ZNF521: variants seen among roughly 807,000 people sequenced by gnomAD.
The protein encoded by ZNF521 is zinc finger protein 521.
In ZNF521, 14 loss-of-function variants were observed where a neutral mutation model predicts 105.5. The observed-to-expected ratio is 0.13, with a 90% confidence interval of 0.09 to 0.21. ZNF521 has a LOEUF of 0.21. ZNF521 is among the 10% of genes least tolerant of loss of function. The pLI is 1.00. For synonymous variants in ZNF521, 635 were observed against 606.0 expected, an observed-to-expected ratio of 1.05 and a Z score of -0.70; for missense variants, 1,233 against 1,629.7, an observed-to-expected ratio of 0.76 and a Z score of 4.19.
chr18:25,341,593 G>A (rs1216076033), intron 2 of ZNF521, among the ~76,000 whole-genome samples: 1 of 152,156 alleles, frequency 6.6e-6, no homozygotes, highest in Non-Finnish European at 1.5e-5. Flanking sequence ...AGTTCAAGTG[G>A]ACATATTTCC....
At chr18:25,290,228 T>A (rs1910937414) in intron 3 of ZNF521, among the ~76,000 whole-genome samples, 1 of 152,194 alleles carries the variant, frequency 6.6e-6, no homozygotes, top group African/African-American at 2.4e-5. Context: ...AGTAATAGTA[T>A]CAAGATGAAC....
chr18:25,115,218 T>C (rs1183584420), intron 5 of ZNF521, among the ~76,000 whole-genome samples: 2 of 152,190 alleles, frequency 1.3e-5, no homozygotes, highest in Admixed American at 6.5e-5. Context: ...TGGACATAAT[T>C]TGGGGATCTG....
chr18:25,295,503 T>A (rs2145047466), intron 3 of ZNF521, among the ~76,000 whole-genome samples: 2 of 152,260 alleles, frequency 1.3e-5, no homozygotes, highest in Middle Eastern at 6.8e-3. Flanking sequence ...GATAAATGCT[T>A]AAGGTGACAG....
chr18:25,164,987 T>C (rs1333937237), intron 5 of ZNF521, among the ~76,000 whole-genome samples: 1 of 152,218 alleles, frequency 6.6e-6, no homozygotes, highest in Non-Finnish European at 1.5e-5. Flanking sequence ...TTCCGAAAGA[T>C]ATGACTTTCG....
intron 2 of ZNF521, among the ~76,000 whole-genome samples, chr18:25,329,903 G>A (rs182162162): frequency 5.6e-5 from 6 of 106,246 alleles, no homozygotes; most frequent in Non-Finnish European, 1.1e-4. Context: ...CTAAGTCAAC[G>A]GCAGAAAGGA....
intron 5 of ZNF521, among the ~76,000 whole-genome samples, chr18:25,130,785 A>G (rs2034626857): frequency 6.6e-6 from 1 of 152,086 alleles, no homozygotes; most frequent in Non-Finnish European, 1.5e-5. Context: ...TCTACAAAAA[A>G]TTCAATAATT....
chr18:25,134,504 A>G (rs2034697583), intron 5 of ZNF521, among the ~76,000 whole-genome samples: 1 of 152,102 alleles, frequency 6.6e-6, no homozygotes, highest in Admixed American at 6.5e-5. Context: ...CAATATTCCC[A>G]TCTGCTTACT....
At chr18:25,306,552 A>C (rs1467329509) in intron 3 of ZNF521, among the ~76,000 whole-genome samples, 1 of 152,182 alleles carries the variant, frequency 6.6e-6, no homozygotes, top group Non-Finnish European at 1.5e-5. Context: ...GATTTCAATA[A>C]GGCATTAAAC....
intron 4 of ZNF521, among the ~76,000 whole-genome samples, chr18:25,218,257 G>A (rs531098584): frequency 6.6e-6 from 1 of 152,154 alleles, no homozygotes; most frequent in Admixed American, 6.5e-5. Context: ...TGAAAATGAT[G>A]AGACTCAAGT....
intron 5 of ZNF521, among the ~76,000 whole-genome samples, chr18:25,180,660 A>AATT (rs1191046635): frequency 6.6e-6 from 1 of 152,168 alleles, no homozygotes; most frequent in African/African-American, 2.4e-5. Flanking sequence ...AGTTACTCAA[A>AATT]ATTCATAAAG....
intron 7 of ZNF521, among the ~76,000 whole-genome samples, chr18:25,085,644 C>CAT (rs35430945): frequency 4.9e-4 from 58 of 117,210 alleles, no homozygotes; most frequent in Admixed American, 9.3e-4. Flanking sequence ...TATACATCCC[C>CAT]ATATATATAT....
At chr18:25,119,610 A>G (rs1000293149) in intron 5 of ZNF521, among the ~76,000 whole-genome samples, 1 of 152,122 alleles carries the variant, frequency 6.6e-6, no homozygotes, top group Admixed American at 6.5e-5. Flanking sequence ...AAGGGAAATT[A>G]GAATATACTT....
chr18:25,130,318 T>C (rs1018943397), intron 5 of ZNF521, among the ~76,000 whole-genome samples: 1 of 152,054 alleles, frequency 6.6e-6, no homozygotes, highest in Non-Finnish European at 1.5e-5. Flanking sequence ...AAAATATCAG[T>C]AGTTACTAGG....
chr18:25,334,670 C>T (rs1913772616), intron 2 of ZNF521, among the ~76,000 whole-genome samples: 1 of 152,122 alleles, frequency 6.6e-6, no homozygotes, highest in Non-Finnish European at 1.5e-5. Flanking sequence ...TAAAAGTTCA[C>T]ACAATTCCTC....
chr18:25,292,725 T>C (rs1028761184), intron 3 of ZNF521, among the ~76,000 whole-genome samples: 9 of 152,210 alleles, frequency 5.9e-5, no homozygotes, highest in African/African-American at 1.7e-4. Context: ...CAGTGAAATC[T>C]TGAACAAGCT....
chr18:25,189,571 C>T (rs2035783883), intron 5 of ZNF521, among the ~76,000 whole-genome samples: 1 of 152,218 alleles, frequency 6.6e-6, no homozygotes. Flanking sequence ...ATCTATAAGG[C>T]ACCTTGCTGT....
intron 2 of ZNF521, among the ~76,000 whole-genome samples, chr18:25,335,782 A>C (rs890511020): frequency 6.6e-6 from 1 of 152,220 alleles, no homozygotes; most frequent in Non-Finnish European, 1.5e-5. Flanking sequence ...GTTTACATTT[A>C]GTTAAAGTTA....
At chr18:25,063,442 C>T (rs1358529791) in intron 7 of ZNF521, among the ~76,000 whole-genome samples, 3 of 152,164 alleles carry the variant, frequency 2.0e-5, no homozygotes, top group Non-Finnish European at 4.4e-5. Context: ...CTGACACAGC[C>T]TGTGCTGTAT....
At chr18:25,307,944 G>A (rs550666227) in intron 3 of ZNF521, among the ~76,000 whole-genome samples, 2 of 152,122 alleles carry the variant, frequency 1.3e-5, no homozygotes, top group East Asian at 1.9e-4. Context: ...GCTCATGCCT[G>A]TAACCCCAGC....
Sources: gnomAD v4.1 joint callset for allele counts (sites outside exome capture counted in the v4.1 genomes callset) on GRCh38, gnomAD v4.1.1 for gene constraint, MANE v1.5 for transcripts, NCBI Gene and HGNC (gene_info 2026-07-23, HGNC 2026-07-21) for gene names.